SGSM2: variants seen among roughly 807,000 people sequenced by gnomAD.
The protein encoded by SGSM2 is RUN and TBC1 domain containing 1.
SGSM2 carries 89 observed loss-of-function variants against 126.6 expected under a neutral mutation model. The observed-to-expected ratio is 0.70, with a 90% CI of 0.59 to 0.84. SGSM2 has a LOEUF of 0.84. Among genes scored for constraint, SGSM2 ranks in the 40% least tolerant of loss-of-function variants. The pLI, the probability that SGSM2 is intolerant of heterozygous loss-of-function variation, is 0.00. For synonymous variants in SGSM2, 614 were observed against 574.3 expected (o/e 1.07, Z -0.99); for missense variants, 1,404 against 1,416.6 (o/e 0.99, Z 0.14).
chr17:2,353,160 C>G (rs1465653666), intron 2 of SGSM2, among the ~76,000 whole-genome samples: 3 of 152,140 alleles, frequency 2.0e-5, no homozygotes, highest in African/African-American at 7.2e-5. Flanking sequence ...CCCTCTGGAT[C>G]GTTTCTCTAA....
chr17:2,375,385 G>A (rs1364685728), intron 17 of SGSM2, 107 bp from the exon 18 acceptor site: 4 of 1,378,758 alleles, frequency 2.9e-6, no homozygotes, highest in East Asian at 2.3e-5. Context: ...TGGTGGGAGA[G>A]GGGGTGTGAA....
intron 17 of SGSM2, chr17:2,375,166 TAGAATG>T (rs534115398): frequency 9.8e-4 from 247 of 251,044 alleles, no homozygotes; most frequent in Admixed American, 2.9e-3. Flanking sequence ...CAGGCGTTTC[TAGAATG>T]AGACTGAGTT....
chr17:2,354,423 A>G (rs1567812607), intron 2 of SGSM2, among the ~76,000 whole-genome samples: 1 of 152,176 alleles, frequency 6.6e-6, no homozygotes, highest in East Asian at 1.9e-4. Flanking sequence ...GTGTCATGCA[A>G]TTATACCATT....
intron 13 of SGSM2, chr17:2,371,918 A>T (rs996598437): frequency 3.9e-6 from 2 of 510,638 alleles, no homozygotes; most frequent in Non-Finnish European, 7.0e-6. Flanking sequence ...GCCTCTCTCC[A>T]TTTTTCACAT....
In SGSM2 at chr17:2,372,413, C is replaced by A; in HGVS notation, c.1713C>A (p.Ile571=). 6.3e-7 allele frequency: 1 copy of A among 1,597,610 alleles called. No homozygotes were observed. Among genetic ancestry groups the A allele is most frequent in the Non-Finnish European group, 8.5e-7 (1 of 1,174,360 alleles). The part of the protein sequence containing the change: ...HLSALVHHSV[I]PPDRPPGASA... The stretch of plus-strand genomic sequence containing the variant: ...CGGCGCTGGTGCACCATAGCGTTAT[C>A]CCACCTGACCGGCCCCCGGGGGCCT... Residue 571 remains isoleucine (I), a synonymous_variant, in exon 15 of 24, where the codon ATC becomes ATA. Transcript: ENST00000268989. This position sits in a 1 kb window ranked among gnomAD's most constrained non-coding sequence, Gnocchi z 6.0.
rs559496493 is a variant in SGSM2 at position 2,376,223 on chromosome 17, G to A, written c.2571G>A (p.Thr857=). ...QRCDRNYWYF[T]PPNLERLRDV... ...GTGACCGCAACTACTGGTACTTCAC[G>A]CCCCCCAACCTCGAGAGGCTCAGAG... Residue 857 remains threonine, a synonymous_variant, in exon 19 of 24, where the codon ACG becomes ACA. Coordinates refer to ENST00000268989, the MANE Select transcript of SGSM2 (RefSeq NM_014853.3). 3.7e-6 allele frequency: 6 copies of A among 1,613,874 alleles called. No homozygotes were observed. In the South Asian group the frequency reaches 4.4e-5, roughly 12 times the overall value.
chr17:2,345,002 G>C (rs1356388122), intron 2 of SGSM2, among the ~76,000 whole-genome samples: 1 of 152,160 alleles, frequency 6.6e-6, no homozygotes, highest in African/African-American at 2.4e-5. Flanking sequence ...TGTAGGACTT[G>C]AGTTCATACC....
intron 2 of SGSM2, among the ~76,000 whole-genome samples, chr17:2,348,046 G>A (rs558557756): frequency 1.3e-5 from 2 of 152,258 alleles, no homozygotes; most frequent in South Asian, 2.1e-4. Context: ...GCTGTAATTC[G>A]AGAAGGGTGG....
intron 11 of SGSM2, 125 bp downstream of exon 11, chr17:2,365,466 C>T (rs2065524023): frequency 5.3e-6 from 6 of 1,126,722 alleles, no homozygotes; most frequent in African/African-American, 4.7e-5. Context: ...ACCAGAGGCT[C>T]ATCGCCTAGC....
Position 2,337,634 on chromosome 17 carries a change from G to A in SGSM2, c.-55G>A, listed in dbSNP as rs879350499. The A allele has an allele frequency of 7.3e-4, 949 of 1,304,612 alleles. No homozygotes were observed. Among genetic ancestry groups the A allele is most frequent in the Non-Finnish European group, 7.8e-4 (774 of 997,166 alleles). 80.8% of individuals were successfully genotyped at this position (1,304,612 alleles called of 1,614,324 possible). Reference sequence around the variant, plus strand: ...GGGGCGCTGAGCCGAGAGGCGCGGAGGCGGCGAGGGCGCGGGGGCTCTGAG... The same window carrying A: ...GGGGCGCTGAGCCGAGAGGCGCGGAAGCGGCGAGGGCGCGGGGGCTCTGAG... On this transcript the variant is annotated 5_prime_UTR_variant, in exon 1 of 24. Coordinates refer to ENST00000268989, the MANE Select transcript of SGSM2 (RefSeq NM_014853.3). This position sits in a 1 kb window ranked among gnomAD's most constrained non-coding sequence, Gnocchi z 5.1.
chr17:2,372,552 C>T lies in SGSM2; in HGVS notation c.1788+64C>T, dbSNP rs1365591759. On this transcript the variant is annotated intron_variant, in intron 15 of 23. Transcript: ENST00000268989. The surrounding 1 kb of genome is among the most constrained non-coding windows in gnomAD (Gnocchi z 6.0). ...CTGGGGCGGGCAGGAGTGAGGGCTT[C>T]AGGGTAAAATGTGCCAGTGGGTGCG... 1 of 1,568,204 alleles carries T rather than the reference C, an allele frequency of 6.4e-7. No individual in the cohort carries two copies. The highest frequency in any genetic ancestry group is 1.4e-5 in the African/African-American group (1 of 73,586).
chr17:2,346,254 C>T (rs149075947), intron 2 of SGSM2, among the ~76,000 whole-genome samples: 116 of 152,276 alleles, frequency 7.6e-4, no homozygotes, highest in South Asian at 1.5e-3. Context: ...AGCGACACCA[C>T]GGTCCCTAGT....
In SGSM2 at chr17:2,372,877, C is replaced by T. The variant is rs1454095397; in HGVS notation, c.1789-76C>T. 1 of 1,517,614 alleles carries T rather than the reference C, an allele frequency of 6.6e-7. No individual in the cohort carries two copies. The highest frequency in any genetic ancestry group is 8.9e-7 in the Non-Finnish European group (1 of 1,127,710). 94.0% of individuals were successfully genotyped at this position (1,517,614 alleles called of 1,614,324 possible). On this transcript the variant is annotated intron_variant, in intron 15 of 23. Coordinates refer to ENST00000268989, the MANE Select transcript of SGSM2 (RefSeq NM_014853.3). This position sits in a 1 kb window ranked among gnomAD's most constrained non-coding sequence, Gnocchi z 6.0. ...TACAGGCCCCGCCCCAGCCCATTCT[C>T]CGTGGGATGGGGCTCACCCAGCTGG...
chr17:2,361,816 C>T lies in SGSM2; in HGVS notation c.296+17C>T. The T allele has an allele frequency of 6.3e-7, 1 of 1,579,380 alleles. No homozygotes were observed. Among genetic ancestry groups the T allele is most frequent in the Non-Finnish European group, 8.6e-7 (1 of 1,164,042 alleles). ...AGAGGGCAGGTGAGCCCTGGGCCAG[C>T]CCCTTCTTCCCTCCTTTCAGCTCTT... On this transcript the variant is annotated intron_variant, in intron 3 of 23. Transcript: ENST00000268989.
rs1567826095 is a variant in SGSM2, at chr17:2,364,142, G to C, written c.891G>C (p.Gln297His). The C allele has an allele frequency of 1.9e-6, 3 of 1,613,976 alleles. No homozygotes were observed. The highest frequency in any genetic ancestry group is 2.5e-6 in the Non-Finnish European group (3 of 1,180,008). ...TGACTCTGAAGTGGACCCCCAACCA[G>C]CTCATGAATGGGACTCTGGGGGACT... The part of the protein sequence containing the change: ...ESLTLKWTPN[Q>H]LMNGTLGDSE... Residue 297 changes from glutamine (Q) to histidine (H), a missense_variant, in exon 8 of 24, where the codon CAG becomes CAC. Transcript: ENST00000268989.
chr17:2,337,993 A>T lies in SGSM2; in HGVS notation c.57+248A>T, dbSNP rs537842684. On this transcript the variant is annotated intron_variant, in intron 1 of 23. Transcript: ENST00000268989. This position sits in a 1 kb window ranked among gnomAD's most constrained non-coding sequence, Gnocchi z 5.1. ...CAGCCCCGCAGCTCCCCGCCCAGTGACGGCAGCGGCGCTGGGAGCCCAAGG... is the reference window on the plus strand; with the variant it reads ...CAGCCCCGCAGCTCCCCGCCCAGTGTCGGCAGCGGCGCTGGGAGCCCAAGG... 6.6e-6 allele frequency among the ~76,000 whole-genome samples: 1 copy of T among 151,642 alleles called. No individual in the cohort carries two copies. The highest frequency in any genetic ancestry group is 1.5e-5 in the Non-Finnish European group (1 of 67,810).
At chr17:2,366,950 C>G (rs777990992) in intron 11 of SGSM2, 1 of 295,708 alleles carries the variant, frequency 3.4e-6, no homozygotes, top group East Asian at 6.1e-5. Context: ...CTGTGAGGGC[C>G]GATGACCTCC....
rs1019373831 is a variant in SGSM2 at position 2,363,674 on chromosome 17, A to G, written c.807+75A>G. 9.6e-6 allele frequency: 15 copies of G among 1,570,364 alleles called. No homozygotes were observed. The African/African-American group carries it at 1.2e-4, about 13-fold the overall frequency. On this transcript the variant is annotated intron_variant, in intron 7 of 23. Coordinates refer to ENST00000268989, the MANE Select transcript of SGSM2 (RefSeq NM_014853.3). The surrounding 1 kb of genome is among the most constrained non-coding windows in gnomAD (Gnocchi z 4.2). Reference sequence around the variant, plus strand: ...CGACTGGAAGCCTCTAGCCATGGCTATTCCTTTCCTGAGGAGCTTGACCAG... The same window carrying G: ...CGACTGGAAGCCTCTAGCCATGGCTGTTCCTTTCCTGAGGAGCTTGACCAG...
intron 2 of SGSM2, among the ~76,000 whole-genome samples, chr17:2,352,604 TC>T (rs1173103082): frequency 5.9e-5 from 9 of 152,002 alleles, no homozygotes; most frequent in Admixed American, 3.9e-4. Flanking sequence ...ACTGAGTGGT[TC>T]CCACTGTTAC....
Sources: gnomAD v4.1 joint callset for allele counts (sites outside exome capture counted in the v4.1 genomes callset) on GRCh38, gnomAD v4.1.1 for gene constraint, Gnocchi (gnomAD v3.1) non-coding constraint, MANE v1.5 for transcripts, NCBI Gene and HGNC (gene_info 2026-07-23, HGNC 2026-07-21) for gene names.